Variants in TTC28 observed in about 807,000 individuals in gnomAD.
TTC28 encodes the protein tetratricopeptide repeat domain 28.
In TTC28, 61 loss-of-function variants were observed where a neutral mutation model predicts 198.0. The ratio of observed to expected loss-of-function variants is 0.31; its 90% confidence interval spans 0.25 to 0.38. TTC28 has a LOEUF of 0.38. TTC28 is among the 10% of genes least tolerant of loss of function. The probability of loss-of-function intolerance (pLI) is 1.00; values close to 1 mark genes in which losing one functional copy is unlikely to be tolerated. For synonymous variants in TTC28, 1,171 were observed against 1,297.8 expected, an observed-to-expected ratio of 0.90 and a Z score of 2.10; for missense variants, 2,678 against 3,164.0, an observed-to-expected ratio of 0.85 and a Z score of 3.69.
intron 9 of TTC28, among the ~76,000 whole-genome samples, chr22:28,099,683 AAC>A (rs1666248081): frequency 6.6e-6 from 1 of 152,236 alleles, no homozygotes; most frequent in Non-Finnish European, 1.5e-5. Flanking sequence ...AAGATATTAA[AAC>A]AGATATTAAT....
intron 5 of TTC28, among the ~76,000 whole-genome samples, chr22:28,210,149 C>G (rs1022840999): frequency 6.6e-6 from 1 of 152,078 alleles, no homozygotes; most frequent in South Asian, 2.1e-4. Flanking sequence ...TCACCATCAC[C>G]AAAGACCAAA....
At chr22:28,091,698 C>G (rs1232115104) in intron 12 of TTC28, among the ~76,000 whole-genome samples, 1 of 152,116 alleles carries the variant, frequency 6.6e-6, no homozygotes, top group Non-Finnish European at 1.5e-5. Context: ...CCTCCTCCCA[C>G]AAGTATTTGA....
chr22:28,392,221 TAGG>T (rs2146071678), intron 2 of TTC28, among the ~76,000 whole-genome samples: 1 of 152,336 alleles, frequency 6.6e-6, no homozygotes, highest in African/African-American at 2.4e-5. Flanking sequence ...AGCTGCTTGC[TAGG>T]AGAACCACTG....
chr22:28,475,149 CAAAAAAAA>C (rs386395148), intron 2 of TTC28, among the ~76,000 whole-genome samples: 6 of 64,994 alleles, frequency 9.2e-5, no homozygotes, highest in Admixed American at 2.1e-4. Flanking sequence ...GACTCCATCT[CAAAAAAAA>C]AAAAAAAAAA....
chr22:28,493,659 T>C (rs1461471785), intron 2 of TTC28, among the ~76,000 whole-genome samples: 1 of 152,128 alleles, frequency 6.6e-6, no homozygotes, highest in Non-Finnish European at 1.5e-5. Context: ...AAAAAACAAG[T>C]TATTAGTGTC....
Position 27,982,486 on chromosome 22 carries a change from A to C in TTC28, c.7181T>G (p.Leu2394Arg). The C allele has an allele frequency of 6.4e-7, 1 of 1,551,580 alleles. No individual in the cohort carries two copies. The highest frequency in any genetic ancestry group is 8.7e-7 in the Non-Finnish European group (1 of 1,146,974). Residue 2394 changes from leucine (L) to arginine (R), a missense_variant, in exon 23 of 23, where the codon CTG (leucine) becomes CGG (arginine). Physicochemically the swap from Leu to Arg is moderately radical, Grantham distance 102. Around this residue, in one of 8 missense-constraint regions of TTC28, gnomAD observed 622 missense variants for 656.0 expected, o/e 0.95. Transcript: ENST00000397906. This position sits in a 1 kb window ranked among gnomAD's most constrained non-coding sequence, Gnocchi z 5.2. Reference sequence around the variant, plus strand: ...ATTGTGCCGTGGTGACAAATTCAACAGACTGAGGACATCCCTTTTGGAAGT... The same window carrying C: ...ATTGTGCCGTGGTGACAAATTCAACCGACTGAGGACATCCCTTTTGGAAGT... ...TMTSKRDVLS[L>R]LNLSPRHNKK...
chr22:28,390,924 G>C (rs976020464), intron 2 of TTC28, among the ~76,000 whole-genome samples: 3 of 152,202 alleles, frequency 2.0e-5, no homozygotes, highest in African/African-American at 7.2e-5. Context: ...AGTTGATGCA[G>C]TTTCTTCCTA....
At chr22:28,124,659 T>C (rs1221716966) in intron 6 of TTC28, among the ~76,000 whole-genome samples, 2 of 152,208 alleles carry the variant, frequency 1.3e-5, no homozygotes, top group African/African-American at 4.8e-5. Flanking sequence ...AAATGACATC[T>C]GGGCAATAAA....
chr22:28,299,240 T>C (rs2044964586), intron 3 of TTC28, among the ~76,000 whole-genome samples: 1 of 147,714 alleles, frequency 6.8e-6, no homozygotes, highest in Non-Finnish European at 1.5e-5. Context: ...ACTATGCACA[T>C]GTAAAAAAAA....
chr22:27,993,321 G>A lies in TTC28; in HGVS notation c.5442C>T (p.Leu1814=). 1 of 1,548,196 alleles carries A rather than the reference G, an allele frequency of 6.5e-7. No homozygotes were observed. The highest frequency in any genetic ancestry group is 8.7e-7 in the Non-Finnish European group (1 of 1,146,360). Reference sequence around the variant, plus strand: ...ACTGGAGTGTGCTGCTGCACTGCTGGAGCCGGTCGCCCGGGTCGGAGGTTG... The same window carrying A: ...ACTGGAGTGTGCTGCTGCACTGCTGAAGCCGGTCGCCCGGGTCGGAGGTTG... ...FFPTSDPGDR[L]QQCSSTLQSL... The change falls in exon 18 of 23, where the codon CTC becomes CTT. Residue 1814 remains leucine, a synonymous_variant. Transcript: ENST00000397906.
intron 1 of TTC28, among the ~76,000 whole-genome samples, chr22:28,659,781 T>A (rs1027428771): frequency 2.0e-5 from 3 of 151,020 alleles, no homozygotes; most frequent in African/African-American, 7.3e-5. Flanking sequence ...TATTTTAATT[T>A]AAAAATAAAA....
chr22:28,376,212 T>A (rs1296152678), intron 2 of TTC28, among the ~76,000 whole-genome samples: 1 of 152,218 alleles, frequency 6.6e-6, no homozygotes, highest in Non-Finnish European at 1.5e-5. Flanking sequence ...TCAGAGACAG[T>A]GAGCCAAAAT....
At chr22:28,093,259 G>A (rs191227029) in intron 12 of TTC28, among the ~76,000 whole-genome samples, 1 of 152,358 alleles carries the variant, frequency 6.6e-6, no homozygotes, top group East Asian at 1.9e-4. Flanking sequence ...TTTGGGTGAA[G>A]CATCTCTAAA....
intron 2 of TTC28, among the ~76,000 whole-genome samples, chr22:28,569,607 G>GA (rs911923730): frequency 9.3e-5 from 14 of 150,542 alleles, no homozygotes; most frequent in African/African-American, 2.4e-4. Flanking sequence ...AAAACCCATA[G>GA]AAAAAAAAAC....
intron 2 of TTC28, among the ~76,000 whole-genome samples, chr22:28,382,607 A>C (rs554851315): frequency 3.9e-5 from 6 of 152,342 alleles, no homozygotes; most frequent in African/African-American, 1.4e-4. Flanking sequence ...GATCAAATCC[A>C]CATCTTCTGT....
At chr22:28,481,363 T>C (rs2048244695) in intron 2 of TTC28, among the ~76,000 whole-genome samples, 1 of 152,200 alleles carries the variant, frequency 6.6e-6, no homozygotes. Flanking sequence ...CCATTGCTAA[T>C]AATTAATCAT....
chr22:28,019,165 T>C (rs748041404), intron 13 of TTC28, among the ~76,000 whole-genome samples: 1 of 152,208 alleles, frequency 6.6e-6, no homozygotes, highest in Non-Finnish European at 1.5e-5. Context: ...GAGCTGTGAC[T>C]CTGGCAAGGA....
At chr22:28,032,201 AT>A (rs1443110666) in intron 12 of TTC28, among the ~76,000 whole-genome samples, 1 of 114,136 alleles carries the variant, frequency 8.8e-6, no homozygotes, top group African/African-American at 3.3e-5. Context: ...ATATATATAT[AT>A]AAAATATATA....
chr22:28,269,122 T>A (rs1321052181), intron 5 of TTC28, among the ~76,000 whole-genome samples: 3 of 152,098 alleles, frequency 2.0e-5, no homozygotes, highest in African/African-American at 7.2e-5. Context: ...ACTAATTTTA[T>A]TATACCTAGT....
Sources: allele counts gnomAD v4.1 joint callset (sites outside exome capture counted in the v4.1 genomes callset), GRCh38; gene constraint gnomAD v4.1.1; regional missense constraint gnomAD v4.1.1; non-coding constraint Gnocchi (gnomAD v3.1); transcripts MANE v1.5; gene names NCBI Gene and HGNC (gene_info 2026-07-23, HGNC 2026-07-21).